The following MYRIP variants were observed in gnomAD, a reference collection of about 807,000 sequenced individuals.
MYRIP encodes myosin VIIA and Rab interacting protein.
In MYRIP, 49 loss-of-function variants were observed where a neutral mutation model predicts 98.0. The ratio of observed to expected loss-of-function variants is 0.50; its 90% CI spans 0.40 to 0.63. The LOEUF (loss-of-function observed/expected upper bound fraction) is 0.63, where lower values mean the gene tolerates loss of function less well. Among genes scored for constraint, MYRIP ranks in the 30% least tolerant of loss-of-function variants. MYRIP has a pLI of 0.00. For missense variants in MYRIP, 1,004 were observed against 1,058.2 expected (o/e 0.95, Z 0.71); for synonymous variants, 404 against 409.5 (o/e 0.99, Z 0.16).
chr3:40,254,205 A>G (rs886159008), intron 16 of MYRIP, among the ~76,000 whole-genome samples: 1 of 152,196 alleles, frequency 6.6e-6, no homozygotes, highest in African/African-American at 2.4e-5. Flanking sequence ...TGCACACAGG[A>G]GACAGGTCTA....
At chr3:40,100,093 T>G in intron 3 of MYRIP, 1 of 985,454 alleles carries the variant, frequency 1.0e-6, no homozygotes, top group Non-Finnish European at 1.2e-6. Flanking sequence ...TTAAGAAGAC[T>G]ACCTGGCTTA....
Position 40,258,459 on chromosome 3 carries a change from GTTTGC to G in MYRIP, c.*300_*304del, listed in dbSNP as rs1294088329. ...CATGTTTAAGATACATATTTTCCCT[GTTTGC>G]TTTGCTACTGTATGTTGACTTTAAG... On this transcript the variant is annotated 3_prime_UTR_variant, in exon 17 of 17. Coordinates refer to ENST00000302541, the MANE Select transcript of MYRIP (RefSeq NM_015460.4). 1 of 380,602 alleles carries G rather than the reference GTTTGC, an allele frequency of 2.6e-6. No individual in the cohort carries two copies. The highest frequency in any genetic ancestry group is 4.8e-6 in the Non-Finnish European group (1 of 209,066). The allele number at this position is 380,602 out of a possible 1,614,324, so 23.6% of individuals were successfully genotyped here. A position where few individuals can be genotyped will look rare whatever the true frequency, so the allele number is the denominator to read the frequency against.
In MYRIP at chr3:39,900,848, C is replaced by T; in HGVS notation, c.32C>T (p.Thr11Ile). 1 of 1,613,840 alleles carries T rather than the reference C, an allele frequency of 6.2e-7. No individual in the cohort carries two copies. Among genetic ancestry groups the T allele is most frequent in the Non-Finnish European group, 8.5e-7 (1 of 1,179,976 alleles). Reference protein sequence around the residue: MGRKLDLSGLTDDETEHVLQV... With the variant: MGRKLDLSGLIDDETEHVLQV... ...AGGAAGCTGGACCTGTCTGGTTTGA[C>T]TGATGATGAAACAGAGCATGTTCTT... Residue 11 changes from threonine to isoleucine, a missense_variant, in exon 2 of 17, where the codon ACT becomes ATT. Thr to Ile is a moderately conservative substitution (Grantham distance 89, BLOSUM62 -1). This residue lies in a region of MYRIP where 880 missense variants were observed against 907.7 expected (regional missense o/e 0.97). Transcript: ENST00000302541.
chr3:40,001,735 C>T (rs922820818), intron 2 of MYRIP, among the ~76,000 whole-genome samples: 1 of 152,140 alleles, frequency 6.6e-6, no homozygotes, highest in Non-Finnish European at 1.5e-5. Flanking sequence ...TTCTGGATGT[C>T]CCTGTGACTA....
At chr3:39,946,995 A>G (rs1944918258) in intron 2 of MYRIP, among the ~76,000 whole-genome samples, 1 of 152,214 alleles carries the variant, frequency 6.6e-6, no homozygotes, top group Non-Finnish European at 1.5e-5. Context: ...GGGACAAAGT[A>G]GGATTTTAAT....
chr3:39,896,503 C>T (rs1943614533), intron 1 of MYRIP, among the ~76,000 whole-genome samples: 1 of 152,180 alleles, frequency 6.6e-6, no homozygotes, highest in Non-Finnish European at 1.5e-5. Context: ...TTGTCCTTTG[C>T]AGGCCAAGTT....
chr3:39,937,551 T>A (rs1944682754), intron 2 of MYRIP, among the ~76,000 whole-genome samples: 1 of 152,240 alleles, frequency 6.6e-6, no homozygotes, highest in Non-Finnish European at 1.5e-5. Flanking sequence ...AACTGGAATT[T>A]GCCCAATAAC....
At chr3:40,176,920 A>AG (rs1350374036) in intron 8 of MYRIP, among the ~76,000 whole-genome samples, 1 of 146,708 alleles carries the variant, frequency 6.8e-6, no homozygotes, top group Non-Finnish European at 1.5e-5. Flanking sequence ...AAAAAAAAAA[A>AG]AAAAAGAAAA....
chr3:40,028,612 G>A (rs927779688), intron 2 of MYRIP, among the ~76,000 whole-genome samples: 1 of 152,070 alleles, frequency 6.6e-6, no homozygotes, highest in Non-Finnish European at 1.5e-5. Flanking sequence ...CAAAAGGTTG[G>A]GGAACTTTTT....
chr3:40,154,547 T>C (rs1056843013), intron 4 of MYRIP, among the ~76,000 whole-genome samples: 1 of 152,218 alleles, frequency 6.6e-6, no homozygotes, highest in African/African-American at 2.4e-5. Context: ...GACTTTTTTT[T>C]AAATTTAATT....
intron 11 of MYRIP, among the ~76,000 whole-genome samples, chr3:40,231,675 T>C (rs1195381947): frequency 1.3e-5 from 2 of 152,222 alleles, no homozygotes; most frequent in African/African-American, 4.8e-5. Flanking sequence ...ATCTCTTAAG[T>C]CCTTTCCATT....
chr3:39,951,271 C>A (rs2125717998), intron 2 of MYRIP, among the ~76,000 whole-genome samples: 1 of 152,262 alleles, frequency 6.6e-6, no homozygotes, highest in East Asian at 1.9e-4. Context: ...CCTGGCTGGA[C>A]ACTGAAACCA....
In MYRIP at chr3:40,212,134, A is replaced by G. The variant is rs7431630; in HGVS notation, c.1905+2041A>G. 9.8e-3 allele frequency among the ~76,000 whole-genome samples: 117 copies of G among 11,880 alleles called. 1 individual carries two copies. The highest frequency in any genetic ancestry group is 0.048 in the East Asian group (11 of 228). The allele number at this position is 11,880 out of a possible 152,430, so 7.8% of individuals were successfully genotyped here. ...TATATATACATATATATACGTGTAT[A>G]TATATATACATATATATACGTGTAT... On this transcript the variant is annotated intron_variant, in intron 11 of 16. Transcript: ENST00000302541.
chr3:39,813,836 T>C (rs1481463781), intron 1 of MYRIP, among the ~76,000 whole-genome samples: 1 of 152,242 alleles, frequency 6.6e-6, no homozygotes, highest in Non-Finnish European at 1.5e-5. Flanking sequence ...TCAGCGTGCC[T>C]ACTAGAGTGT....
chr3:40,238,246 A>C (rs770138507), intron 12 of MYRIP, among the ~76,000 whole-genome samples: 4 of 152,204 alleles, frequency 2.6e-5, no homozygotes, highest in Admixed American at 2.0e-4. Context: ...CTTTTGAGTC[A>C]GGGAAGGGAT....
intron 10 of MYRIP, among the ~76,000 whole-genome samples, chr3:40,203,251 T>G (rs1307081204): frequency 6.6e-6 from 1 of 152,098 alleles, no homozygotes; most frequent in Non-Finnish European, 1.5e-5. Flanking sequence ...ATTTCTATCC[T>G]TGTGTTTCTT....
chr3:39,923,297 A>C lies in MYRIP; in HGVS notation c.110+22371A>C, dbSNP rs1385317549. 2.0e-5 allele frequency among the ~76,000 whole-genome samples: 3 copies of C among 152,250 alleles called. No homozygotes were observed. The East Asian group carries it at 5.8e-4, about 29-fold the overall frequency. ...AAGTACTTGAAGAAATAATGGCTGAAAACTCCCCAAATTTGACAATAGACA... is the reference window on the plus strand; with the variant it reads ...AAGTACTTGAAGAAATAATGGCTGACAACTCCCCAAATTTGACAATAGACA... On this transcript the variant is annotated intron_variant, in intron 2 of 16. Transcript: ENST00000302541.
chr3:40,087,314 A>G (rs887172582), intron 3 of MYRIP, among the ~76,000 whole-genome samples: 2 of 152,178 alleles, frequency 1.3e-5, no homozygotes, highest in Admixed American at 6.5e-5. Flanking sequence ...TGAGAGGCAC[A>G]TGCAAGGGGC....
chr3:39,873,256 A>G (rs1942862008), intron 1 of MYRIP, among the ~76,000 whole-genome samples: 1 of 152,092 alleles, frequency 6.6e-6, no homozygotes, highest in African/African-American at 2.4e-5. Flanking sequence ...TCAGATGAGT[A>G]GGTTGTGAAA....
Sources: gnomAD v4.1 joint callset for allele counts (sites outside exome capture counted in the v4.1 genomes callset) on GRCh38, gnomAD v4.1.1 for gene constraint, gnomAD v4.1.1 regional missense constraint, MANE v1.5 for transcripts, NCBI Gene and HGNC (gene_info 2026-07-23, HGNC 2026-07-21) for gene names.